Variants in TBC1D22A observed in about 807,000 individuals in gnomAD.
TBC1D22A encodes the protein TBC1 domain family member 22A.
TBC1D22A carries 38 observed loss-of-function variants against 60.2 expected under a neutral mutation model. The observed-to-expected ratio is 0.63, with a 90% CI of 0.49 to 0.83. The LOEUF (loss-of-function observed/expected upper bound fraction) is 0.83. Among genes scored for constraint, TBC1D22A ranks in the 40% least tolerant of loss-of-function variants. The pLI is 0.00. For synonymous variants in TBC1D22A, 302 were observed against 281.7 expected (o/e 1.07, Z -0.72); for missense variants, 628 against 701.0 (o/e 0.90, Z 1.18).
intron 9 of TBC1D22A, among the ~76,000 whole-genome samples, chr22:46,991,229 T>A (rs1223333813): frequency 1.3e-5 from 2 of 152,178 alleles, no homozygotes; most frequent in African/African-American, 4.8e-5. Flanking sequence ...TAAACAAGGC[T>A]GCATAGAATC....
chr22:46,994,639 GA>G (rs1360037782), intron 9 of TBC1D22A, among the ~76,000 whole-genome samples: 1 of 152,178 alleles, frequency 6.6e-6, no homozygotes, highest in Non-Finnish European at 1.5e-5. Flanking sequence ...GTCGGAATAG[GA>G]CATTCATTAA....
intron 9 of TBC1D22A, 146 bp downstream of exon 9, chr22:46,974,545 C>T: frequency 1.4e-6 from 1 of 693,168 alleles, no homozygotes; most frequent in East Asian, 2.7e-5. Context: ...ATAGCACAGA[C>T]CCCTCCGGGT....
chr22:46,892,827 A>G (rs193156854), intron 6 of TBC1D22A, among the ~76,000 whole-genome samples: 1 of 152,220 alleles, frequency 6.6e-6, no homozygotes, highest in East Asian at 1.9e-4. Flanking sequence ...AGTTACTGTG[A>G]TAGGTAATAA....
chr22:47,042,082 T>C (rs1490268965), intron 11 of TBC1D22A, among the ~76,000 whole-genome samples: 2 of 152,270 alleles, frequency 1.3e-5, no homozygotes, highest in Admixed American at 1.3e-4. Context: ...TCTGAGAGTT[T>C]TTATAGAAGA....
At chr22:47,005,314 C>G (rs2061549080) in intron 10 of TBC1D22A, among the ~76,000 whole-genome samples, 2 of 151,486 alleles carry the variant, frequency 1.3e-5, no homozygotes, top group Admixed American at 1.3e-4. Flanking sequence ...ACAGGTACCC[C>G]CTACACACAT....
intron 8 of TBC1D22A, among the ~76,000 whole-genome samples, chr22:46,932,599 C>G (rs1458738298): frequency 6.6e-6 from 1 of 152,098 alleles, no homozygotes; most frequent in Non-Finnish European, 1.5e-5. Flanking sequence ...CATGGTTTTC[C>G]ACCCATCACG....
intron 5 of TBC1D22A, 137 bp from the exon 6 acceptor site, chr22:46,891,129 A>T (rs1456673110): frequency 3.1e-6 from 3 of 970,236 alleles, no homozygotes; most frequent in Non-Finnish European, 4.3e-6. Flanking sequence ...TTTTTCCCAC[A>T]ATTTGTGCTC....
At chr22:46,858,482 T>C (rs111522758) in intron 4 of TBC1D22A, among the ~76,000 whole-genome samples, 1 of 151,956 alleles carries the variant, frequency 6.6e-6, no homozygotes, top group South Asian at 2.1e-4. Flanking sequence ...CTCTGATCCA[T>C]GTGTATCTCA....
chr22:46,835,266 G>A (rs2086468663), intron 4 of TBC1D22A, among the ~76,000 whole-genome samples: 1 of 151,770 alleles, frequency 6.6e-6, no homozygotes, highest in South Asian at 2.1e-4. Context: ...TAACTTTTCA[G>A]TAACTGATCC....
chr22:47,137,261 G>C (rs972738942), intron 12 of TBC1D22A, among the ~76,000 whole-genome samples: 1 of 152,154 alleles, frequency 6.6e-6, no homozygotes, highest in African/African-American at 2.4e-5. Flanking sequence ...AAGTTGCATT[G>C]ATCTTTTAAT....
At chr22:46,809,929 A>C (rs2085311567) in intron 4 of TBC1D22A, among the ~76,000 whole-genome samples, 1 of 152,206 alleles carries the variant, frequency 6.6e-6, no homozygotes, top group Non-Finnish European at 1.5e-5. Flanking sequence ...TGCTGCTATA[A>C]TCTTCATAAC....
intron 1 of TBC1D22A, among the ~76,000 whole-genome samples, chr22:46,790,069 C>G (rs753424035): frequency 6.6e-6 from 1 of 152,264 alleles, no homozygotes; most frequent in Non-Finnish European, 1.5e-5. Flanking sequence ...TACTGGCTTA[C>G]AGCAAACATG....
chr22:47,131,901 C>T (rs1237925286), intron 12 of TBC1D22A, among the ~76,000 whole-genome samples: 1 of 152,236 alleles, frequency 6.6e-6, no homozygotes, highest in Non-Finnish European at 1.5e-5. Flanking sequence ...TTATCCCAGC[C>T]TGTCTGTGGA....
chr22:47,109,424 A>C (rs2065762768), intron 11 of TBC1D22A, among the ~76,000 whole-genome samples: 1 of 152,202 alleles, frequency 6.6e-6, no homozygotes, highest in Non-Finnish European at 1.5e-5. Context: ...CACTGTATCC[A>C]GGAACTCTTA....
intron 4 of TBC1D22A, among the ~76,000 whole-genome samples, chr22:46,852,822 C>T (rs940441763): frequency 1.3e-5 from 2 of 152,160 alleles, no homozygotes; most frequent in African/African-American, 2.4e-5. Context: ...GGGAGAGCTG[C>T]GCTTTGCTCA....
chr22:47,157,492 C>T (rs2067771562), intron 12 of TBC1D22A, among the ~76,000 whole-genome samples: 1 of 152,190 alleles, frequency 6.6e-6, no homozygotes, highest in South Asian at 2.1e-4. Context: ...GGTGTCCTTG[C>T]CGCTGCACGG....
At chr22:47,071,540 C>A (rs1334963938) in intron 11 of TBC1D22A, among the ~76,000 whole-genome samples, 2 of 152,224 alleles carry the variant, frequency 1.3e-5, no homozygotes, top group Admixed American at 1.3e-4. Context: ...CGCTTTTAGG[C>A]TCTTTGCTTT....
Position 47,063,244 on chromosome 22 carries a change from C to T in TBC1D22A, c.1329+26046C>T, listed in dbSNP as rs374121018. Among the ~76,000 whole-genome samples the T allele has an allele frequency of 1.2e-3, 179 of 152,232 alleles. 1 individual carries two copies. Among genetic ancestry groups the T allele is most frequent in the Middle Eastern group, 6.8e-3 (2 of 294 alleles). ...TGGGACACTGGTAGTCAAACCACCC[C>T]GGATGGCTCTGATGCGCAGCCAAGG... On this transcript the variant is annotated intron_variant, in intron 11 of 12. Transcript: ENST00000337137.
At chr22:47,091,612 G>T (rs1033911056) in intron 11 of TBC1D22A, among the ~76,000 whole-genome samples, 1 of 152,134 alleles carries the variant, frequency 6.6e-6, no homozygotes, top group Non-Finnish European at 1.5e-5. Flanking sequence ...CGTCTTTCGG[G>T]GAGTGGCCTC....
Sources: allele counts gnomAD v4.1 joint callset (sites outside exome capture counted in the v4.1 genomes callset), GRCh38; gene constraint gnomAD v4.1.1; transcripts MANE v1.5; gene names NCBI Gene and HGNC (gene_info 2026-07-23, HGNC 2026-07-21).